The following PTK2 variants were observed in gnomAD, a reference collection of about 807,000 sequenced individuals.
The protein encoded by PTK2 is protein tyrosine kinase 2.
PTK2 carries 45 observed loss-of-function variants against 150.1 expected under a neutral mutation model. The observed-to-expected ratio is 0.30, with a 90% CI of 0.24 to 0.38. The LOEUF (loss-of-function observed/expected upper bound fraction) is 0.38. Ranked by LOEUF, PTK2 falls within the 10% of genes least tolerant of loss-of-function variation. PTK2 has a pLI of 1.00. For synonymous variants in PTK2, 432 were observed against 449.2 expected, an observed-to-expected ratio of 0.96 and a Z score of 0.48; for missense variants, 919 against 1,307.3, an observed-to-expected ratio of 0.70 and a Z score of 4.58.
At chr8:140,774,124 C>CA (rs1460622969) in intron 14 of PTK2, among the ~76,000 whole-genome samples, 1 of 152,224 alleles carries the variant, frequency 6.6e-6, no homozygotes, top group Non-Finnish European at 1.5e-5. Flanking sequence ...TGAAAAATGA[C>CA]AGACGATGTC....
intron 7 of PTK2, among the ~76,000 whole-genome samples, chr8:140,834,731 C>G (rs1158694538): frequency 6.6e-6 from 1 of 152,078 alleles, no homozygotes; most frequent in East Asian, 1.9e-4. Context: ...AGTTTAAAAC[C>G]AATACACTTA....
At chr8:140,939,238 C>A (rs371695728) in intron 1 of PTK2, among the ~76,000 whole-genome samples, 2 of 151,944 alleles carry the variant, frequency 1.3e-5, no homozygotes, top group South Asian at 2.1e-4. Context: ...AAGCCAGATT[C>A]GAAAAAACTA....
At chr8:140,823,275 T>C (rs964987747) in intron 8 of PTK2, among the ~76,000 whole-genome samples, 1 of 152,198 alleles carries the variant, frequency 6.6e-6, no homozygotes, top group Non-Finnish European at 1.5e-5. Flanking sequence ...TCAAAAATTA[T>C]GTAAAATAGG....
chr8:140,688,247 T>C (rs1190415765), intron 26 of PTK2, among the ~76,000 whole-genome samples: 3 of 152,186 alleles, frequency 2.0e-5, no homozygotes, highest in Non-Finnish European at 4.4e-5. Flanking sequence ...ACAGCTCATG[T>C]ATATCAGCCC....
In PTK2 at chr8:140,830,106, C is replaced by T. The variant is rs146423607; in HGVS notation, c.648+366G>A. Among the ~76,000 whole-genome samples the T allele has an allele frequency of 6.3e-5, 9 of 143,718 alleles. 1 individual carries two copies. Among genetic ancestry groups the T allele is most frequent in the African/African-American group, 2.3e-4 (9 of 39,692 alleles). 94.3% of individuals were successfully genotyped at this position (143,718 alleles called of 152,430 possible). ...ACATACACACACACACACACACACA[C>T]ACACAATATTAATGATTCCACCACC... On this transcript the variant is annotated intron_variant, in intron 8 of 31. Coordinates refer to ENST00000522684, the Ensembl canonical transcript of PTK2.
chr8:140,733,842 G>A (rs1358307356), intron 22 of PTK2, among the ~76,000 whole-genome samples: 3 of 152,164 alleles, frequency 2.0e-5, no homozygotes, highest in Non-Finnish European at 1.5e-5. Context: ...TATGGGGACG[G>A]AGACCAAGAG....
chr8:140,915,706 G>T (rs1231827287), intron 2 of PTK2, among the ~76,000 whole-genome samples: 2 of 151,878 alleles, frequency 1.3e-5, no homozygotes, highest in African/African-American at 4.8e-5. Context: ...AGACCAGCCT[G>T]GCCAACATGA....
chr8:140,943,643 G>A (rs2100176644), intron 1 of PTK2, among the ~76,000 whole-genome samples: 1 of 152,202 alleles, frequency 6.6e-6, no homozygotes, highest in Non-Finnish European at 1.5e-5. Flanking sequence ...TCATAAGAAA[G>A]TGCCAAACTG....
intron 3 of PTK2, 194 bp downstream of exon 3, chr8:140,890,349 G>C: frequency 2.1e-6 from 1 of 468,594 alleles, no homozygotes; most frequent in Non-Finnish European, 3.7e-6. Context: ...ATTTTTCTAA[G>C]AAACTTTACA....
intron 26 of PTK2, among the ~76,000 whole-genome samples, chr8:140,695,047 A>G (rs930938553): frequency 2.6e-5 from 4 of 152,226 alleles, no homozygotes; most frequent in African/African-American, 9.6e-5. Context: ...TCTATGCCCT[A>G]TATCCAGCTG....
At chr8:140,950,444 C>T (rs2100179194) in intron 1 of PTK2, among the ~76,000 whole-genome samples, 1 of 152,238 alleles carries the variant, frequency 6.6e-6, no homozygotes, top group African/African-American at 2.4e-5. Flanking sequence ...GGCACCTGTG[C>T]CAGTGCCTGG....
intron 27 of PTK2, among the ~76,000 whole-genome samples, chr8:140,677,270 T>C (rs2100014468): frequency 6.6e-6 from 1 of 152,072 alleles, no homozygotes; most frequent in Non-Finnish European, 1.5e-5. Flanking sequence ...TAGATTCCCA[T>C]GGGCCTACAT....
At chr8:140,726,879 A>G (rs541261167) in intron 22 of PTK2, among the ~76,000 whole-genome samples, 1 of 152,296 alleles carries the variant, frequency 6.6e-6, no homozygotes, top group Admixed American at 6.5e-5. Flanking sequence ...ATCATAAACT[A>G]ATTTTGTGGG....
intron 1 of PTK2, among the ~76,000 whole-genome samples, chr8:140,947,490 C>G (rs1012086072): frequency 1.3e-5 from 2 of 152,172 alleles, no homozygotes; most frequent in African/African-American, 4.8e-5. Flanking sequence ...ACATATCACT[C>G]CACCACTTAA....
intron 27 of PTK2, among the ~76,000 whole-genome samples, chr8:140,681,719 G>A (rs1194651649): frequency 6.6e-6 from 1 of 152,108 alleles, no homozygotes; most frequent in African/African-American, 2.4e-5. Context: ...GGAGCTTGCC[G>A]TGAGCCGAGA....
At chr8:140,815,257 A>G (rs2100104027) in intron 10 of PTK2, among the ~76,000 whole-genome samples, 1 of 152,038 alleles carries the variant, frequency 6.6e-6, no homozygotes, top group African/African-American at 2.4e-5. Flanking sequence ...TGTTCTTTGC[A>G]GGAACATGGA....
chr8:140,806,921 T>C (rs2100098459), intron 10 of PTK2, among the ~76,000 whole-genome samples: 1 of 152,208 alleles, frequency 6.6e-6, no homozygotes, highest in Non-Finnish European at 1.5e-5. Flanking sequence ...ACTCAGATAC[T>C]CTCTCACGCC....
At chr8:140,913,515 C>T (rs372701243) in intron 2 of PTK2, among the ~76,000 whole-genome samples, 1 of 152,142 alleles carries the variant, frequency 6.6e-6, no homozygotes, top group South Asian at 2.1e-4. Flanking sequence ...AGGCTGGTCT[C>T]GAACTCCTGG....
At chr8:140,921,922 G>T (rs552251313) in intron 2 of PTK2, among the ~76,000 whole-genome samples, 3 of 152,182 alleles carry the variant, frequency 2.0e-5, no homozygotes, top group Non-Finnish European at 4.4e-5. Flanking sequence ...TTAGCAGTAA[G>T]ATAATTAGTA....
Sources: allele counts gnomAD v4.1 joint callset (sites outside exome capture counted in the v4.1 genomes callset), GRCh38; gene constraint gnomAD v4.1.1; transcripts MANE v1.5; gene names NCBI Gene and HGNC (gene_info 2026-07-23, HGNC 2026-07-21).